HAAO: variants seen among roughly 807,000 people sequenced by gnomAD.
HAAO encodes 3-hydroxyanthranilate 3,4-dioxygenase, also known as 3-hydroxyanthranilate oxygenase.
A neutral mutation model predicts 46.2 loss-of-function variants in HAAO; 49 were observed. That is an observed-to-expected ratio of 1.06 (90% CI 0.84 to 1.34). HAAO has a LOEUF of 1.34. Ranked by LOEUF, HAAO falls within the 40% of genes most tolerant of loss-of-function variation. The probability of loss-of-function intolerance (pLI) is 0.00; values close to 1 mark genes in which losing one functional copy is unlikely to be tolerated. For missense variants in HAAO, 408 were observed against 364.5 expected (o/e 1.12, Z -0.97); for synonymous variants, 157 against 145.2 (o/e 1.08, Z -0.58).
At chr2:42,788,414 A>G (rs1458294972) in intron 2 of HAAO, 115 bp downstream of exon 2, 2 of 748,452 alleles carry the variant, frequency 2.7e-6, no homozygotes, top group Non-Finnish European at 4.9e-6. Flanking sequence ...CATCAGCCAC[A>G]TGTCCACCCC....
chr2:42,769,569 ATGTGTGTGTGTGTGTGTG>A (rs35746707), intron 7 of HAAO, 126 bp downstream of exon 7: 12 of 588,712 alleles, frequency 2.0e-5, no homozygotes, highest in Admixed American at 3.4e-5. Flanking sequence ...AACCTCTGAA[ATGTGTGTGTGTGTGTGTG>A]TGTGTGTGTG....
chr2:42,787,489 T>A lies in HAAO; in HGVS notation c.159+1040A>T, dbSNP rs949277335. ...AACGGTCTCCAGTGAGGTGTGTTTGTGAGAAGGGGGTGGCCAGGGGAGGTG... is the reference window on the plus strand; with the variant it reads ...AACGGTCTCCAGTGAGGTGTGTTTGAGAGAAGGGGGTGGCCAGGGGAGGTG... On this transcript the variant is annotated intron_variant, in intron 2 of 9. Transcript: ENST00000294973. Among the ~76,000 whole-genome samples, 4 of 152,044 alleles carry A rather than the reference T, an allele frequency of 2.6e-5. No individual in the cohort carries two copies. The East Asian group carries it at 7.7e-4, about 29-fold the overall frequency.
At chr2:42,772,933 CAAAAAAAAAA>C (rs530541628) in intron 4 of HAAO, among the ~76,000 whole-genome samples, 1 of 92,480 alleles carries the variant, frequency 1.1e-5, no homozygotes, top group African/African-American at 3.8e-5. Context: ...GCCCCCATAT[CAAAAAAAAAA>C]AAAAAAAAAA....
At chr2:42,775,863 T>C in intron 4 of HAAO, among the ~76,000 whole-genome samples, 1 of 45,284 alleles carries the variant, frequency 2.2e-5, no homozygotes, top group South Asian at 9.9e-4. Flanking sequence ...GTGTTATCCT[T>C]TTTTTTTTTT....
intron 1 of HAAO, among the ~76,000 whole-genome samples, chr2:42,791,453 G>A (rs903764199): frequency 6.6e-6 from 1 of 152,172 alleles, no homozygotes; most frequent in African/African-American, 2.4e-5. Flanking sequence ...AACAGTGATA[G>A]AAGAGATCTT....
intron 4 of HAAO, among the ~76,000 whole-genome samples, chr2:42,772,415 AGG>A: frequency 1.3e-5 from 2 of 150,692 alleles, no homozygotes; most frequent in African/African-American, 4.9e-5. Context: ...CGGGAGGCAG[AGG>A]TTGCAGTGAG....
intron 1 of HAAO, chr2:42,789,283 T>G (rs1558677569): frequency 6.6e-6 from 1 of 152,272 alleles, no homozygotes; most frequent in Non-Finnish European, 1.5e-5. Context: ...AAGTATTTGA[T>G]AAAATAAATA....
intron 4 of HAAO, among the ~76,000 whole-genome samples, chr2:42,774,254 G>A (rs1251530687): frequency 6.6e-6 from 1 of 152,192 alleles, no homozygotes; most frequent in Non-Finnish European, 1.5e-5. Flanking sequence ...AATTAACTGA[G>A]ACCTGTCTCA....
At chr2:42,781,002 G>T (rs936148890) in intron 4 of HAAO, among the ~76,000 whole-genome samples, 8 of 152,046 alleles carry the variant, frequency 5.3e-5, no homozygotes, top group Admixed American at 3.3e-4. Flanking sequence ...GTGTGAACCT[G>T]GGAGGCGGAG....
At chr2:42,771,385 C>T (rs1671101464) in intron 4 of HAAO, among the ~76,000 whole-genome samples, 2 of 151,188 alleles carry the variant, frequency 1.3e-5, no homozygotes, top group Non-Finnish European at 2.9e-5. Flanking sequence ...CAAGATTGCA[C>T]CGCCGCATTC....
intron 4 of HAAO, among the ~76,000 whole-genome samples, chr2:42,773,480 C>A (rs1671302877): frequency 6.6e-6 from 1 of 152,148 alleles, no homozygotes; most frequent in South Asian, 2.1e-4. Flanking sequence ...CCACATCTCA[C>A]CCCTCCCAGA....
Position 42,769,577 on chromosome 2 carries a change from G to C in HAAO, c.630+136C>G, listed in dbSNP as rs1310121459. 36 of 58,444 alleles carry C rather than the reference G, an allele frequency of 6.2e-4. No individual in the cohort carries two copies. In the African/African-American group the frequency reaches 0.014, roughly 23 times the overall value. 3.6% of individuals were successfully genotyped at this position (58,444 alleles called of 1,614,324 possible). A position where few individuals can be genotyped will look rare whatever the true frequency, so the allele number is the denominator to read the frequency against. ...TGTCTACAACCTCTGAAATGTGTGT[G>C]TGTGTGTGTGTGTGTGTGTGTGTGT... is the stretch of plus-strand genomic sequence containing the variant. On this transcript the variant is annotated intron_variant, in intron 7 of 9. Transcript: ENST00000294973.
chr2:42,770,592 C>G lies in HAAO; in HGVS notation c.351-10G>C. The G allele has an allele frequency of 6.5e-7, 1 of 1,541,042 alleles. No individual in the cohort carries two copies. The highest frequency in any genetic ancestry group is 1.2e-5 in the South Asian group (1 of 82,960). On this transcript the variant is annotated splice_polypyrimidine_tract_variant and intron_variant, in intron 4 of 9. Transcript: ENST00000294973. ...GTCGCCCACATAGTACCTGCCAGAG[C>G]AGAGGACAGGCAACCCTGCTGTCCC...
At chr2:42,770,872 C>T (rs768802272) in intron 4 of HAAO, among the ~76,000 whole-genome samples, 43 of 152,212 alleles carry the variant, frequency 2.8e-4, no homozygotes, top group Non-Finnish European at 4.6e-4. Flanking sequence ...CTCTGAGACT[C>T]ACAGAAGCTG....
At chr2:42,783,048 A>T (rs975024006) in intron 4 of HAAO, 14 of 536,648 alleles carry the variant, frequency 2.6e-5, no homozygotes, top group Non-Finnish European at 4.7e-5. Flanking sequence ...TCACGCAGAA[A>T]GCACAGATTC....
intron 4 of HAAO, chr2:42,783,046 A>C: frequency 1.9e-6 from 1 of 535,262 alleles, no homozygotes; most frequent in South Asian, 2.1e-5. Context: ...CCTCACGCAG[A>C]AAGCACAGAT....
chr2:42,783,995 C>T, intron 2 of HAAO, 128 bp from the exon 3 acceptor site: 1 of 1,491,386 alleles, frequency 6.7e-7, no homozygotes. Flanking sequence ...TGATGGGCAG[C>T]TCCGTCACTT....
At position 42,783,542 on chromosome 2, in the gene HAAO, C is replaced by A. The variant is rs1216501860; in HGVS notation, c.244-122G>T. 19 of 700,206 alleles carry A rather than the reference C, an allele frequency of 2.7e-5. 1 individual carries two copies. The Middle Eastern group carries it at 1.5e-3, about 57-fold the overall frequency. 43.4% of individuals were successfully genotyped at this position (700,206 alleles called of 1,614,324 possible). A position where few individuals can be genotyped will look rare whatever the true frequency, so the allele number is the denominator to read the frequency against. On this transcript the variant is annotated intron_variant, in intron 3 of 9. Transcript: ENST00000294973. ...CAGCAAAGGGGTACTGCTTGTCTAC[C>A]CTGGGCCCTCTTCTCTGCCCAGCCT...
intron 4 of HAAO, among the ~76,000 whole-genome samples, chr2:42,773,363 C>G (rs977742169): frequency 6.6e-6 from 1 of 151,996 alleles, no homozygotes; most frequent in African/African-American, 2.4e-5. Context: ...GGTAGAGAAA[C>G]AAGCCGAGGG....
Sources: gnomAD v4.1 joint callset for allele counts (sites outside exome capture counted in the v4.1 genomes callset) on GRCh38, gnomAD v4.1.1 for gene constraint, MANE v1.5 for transcripts, NCBI Gene and HGNC (gene_info 2026-07-23, HGNC 2026-07-21) for gene names.